STK32B: variants seen among roughly 807,000 people sequenced by gnomAD.
The protein encoded by STK32B is serine/threonine-protein kinase 32B.
In STK32B, 43 loss-of-function variants were observed where a neutral mutation model predicts 52.6. That is an observed-to-expected ratio of 0.82 (90% CI 0.64 to 1.05). The LOEUF (loss-of-function observed/expected upper bound fraction) is 1.05. Ranked by LOEUF, STK32B falls within the 50% of genes least tolerant of loss-of-function variation. The pLI is 0.00. For synonymous variants in STK32B, 238 were observed against 204.3 expected, an observed-to-expected ratio of 1.17 and a Z score of -1.41; for missense variants, 621 against 534.6, an observed-to-expected ratio of 1.16 and a Z score of -1.59.
chr4:5,334,767 G>A (rs1180341047), intron 4 of STK32B, among the ~76,000 whole-genome samples: 1 of 151,704 alleles, frequency 6.6e-6, no homozygotes, highest in Non-Finnish European at 1.5e-5. Context: ...CTGTTTATAT[G>A]CTGGATTACA....
intron 3 of STK32B, among the ~76,000 whole-genome samples, chr4:5,226,174 A>G (rs1376382757): frequency 1.3e-5 from 2 of 152,238 alleles, no homozygotes; most frequent in Non-Finnish European, 2.9e-5. Flanking sequence ...ATCTTAAATG[A>G]CATGCTTTTA....
intron 3 of STK32B, among the ~76,000 whole-genome samples, chr4:5,259,249 G>A (rs1274147586): frequency 6.6e-6 from 1 of 152,150 alleles, no homozygotes; most frequent in Non-Finnish European, 1.5e-5. Flanking sequence ...CATTTAGAGT[G>A]TAAGCTCCAT....
chr4:5,390,262 T>G (rs556049300), intron 4 of STK32B, among the ~76,000 whole-genome samples: 16 of 152,334 alleles, frequency 1.1e-4, no homozygotes, highest in African/African-American at 3.8e-4. Context: ...ACACACTCAG[T>G]AGGGCTCAGC....
chr4:5,064,438 A>T (rs192802063), intron 1 of STK32B, among the ~76,000 whole-genome samples: 1 of 104,404 alleles, frequency 9.6e-6, no homozygotes, highest in Non-Finnish European at 2.0e-5. Context: ...ATATACATAT[A>T]ATATATAAAT....
chr4:5,444,475 A>G (rs71597772), intron 6 of STK32B, among the ~76,000 whole-genome samples: 21,152 of 151,968 alleles, frequency 0.14, 1,645 homozygotes, highest in East Asian at 0.27. Flanking sequence ...CACTGTGCGC[A>G]CACCCACTGA....
chr4:5,196,272 C>T (rs1445542038), intron 3 of STK32B, among the ~76,000 whole-genome samples: 1 of 151,880 alleles, frequency 6.6e-6, no homozygotes, highest in African/African-American at 2.4e-5. Flanking sequence ...GCTGATGCCA[C>T]CCCGCGAGGT....
intron 4 of STK32B, among the ~76,000 whole-genome samples, chr4:5,341,717 AG>A (rs967874020): frequency 1.3e-5 from 2 of 152,200 alleles, no homozygotes; most frequent in African/African-American, 2.4e-5. Flanking sequence ...CTGCACGGGA[AG>A]CATGCTGCTG....
chr4:5,325,729 T>A (rs1489101448), intron 3 of STK32B, among the ~76,000 whole-genome samples: 1 of 152,222 alleles, frequency 6.6e-6, no homozygotes, highest in African/African-American at 2.4e-5. Flanking sequence ...AGCCTAATTT[T>A]CCAGATTTTT....
intron 4 of STK32B, among the ~76,000 whole-genome samples, chr4:5,364,099 A>C (rs1734717462): frequency 1.3e-5 from 2 of 150,164 alleles, no homozygotes; most frequent in South Asian, 4.2e-4. Flanking sequence ...GACCCCCCCC[A>C]CTGTCCACAG....
At chr4:5,369,176 G>A (rs1577404542) in intron 4 of STK32B, among the ~76,000 whole-genome samples, 3 of 151,678 alleles carry the variant, frequency 2.0e-5, no homozygotes, top group Non-Finnish European at 2.9e-5. Flanking sequence ...CTTCCATCTC[G>A]CTGCTTGGAT....
rs1182212725 is a variant in STK32B at position 5,171,365 on chromosome 4, G to C, written c.260+2915G>C. 3.3e-5 allele frequency among the ~76,000 whole-genome samples: 5 copies of C among 151,826 alleles called. No homozygotes were observed. The East Asian group carries it at 7.7e-4, about 24-fold the overall frequency. ...TGTTGCCATTGCTTTTGGTGTTTTA[G>C]ACATGAAGTCCTTGCCCATGCCTAT... On this transcript the variant is annotated intron_variant, in intron 3 of 11. Transcript: ENST00000282908.
chr4:5,047,891 T>C (rs529207944), upstream of STK32B, among the ~76,000 whole-genome samples: 44 of 152,338 alleles, frequency 2.9e-4, no homozygotes, highest in African/African-American at 1.0e-3. Flanking sequence ...GAAGAGATCA[T>C]GCTGGGATTA....
chr4:5,447,389 A>T (rs1715556593), intron 7 of STK32B: 1 of 152,110 alleles, frequency 6.6e-6, no homozygotes, highest in South Asian at 2.1e-4. Flanking sequence ...GCACTTTGGG[A>T]GGCTGAGGTG....
At chr4:5,280,851 A>G (rs148399357) in intron 3 of STK32B, among the ~76,000 whole-genome samples, 5,449 of 152,248 alleles carry the variant, frequency 0.036, 301 homozygotes, top group African/African-American at 0.12. Flanking sequence ...GTGAGCCGAC[A>G]TCGTACCACT....
At chr4:5,410,252 T>G (rs555159011) in intron 5 of STK32B, among the ~76,000 whole-genome samples, 32 of 152,150 alleles carry the variant, frequency 2.1e-4, no homozygotes, top group Non-Finnish European at 4.0e-4. Context: ...TCTCATCTCT[T>G]TTGGGCTTCA....
chr4:5,402,170 CA>C (rs1351860791), intron 5 of STK32B, among the ~76,000 whole-genome samples: 1 of 152,208 alleles, frequency 6.6e-6, no homozygotes, highest in East Asian at 1.9e-4. Context: ...GTCACTTGGC[CA>C]AACCTAGAGT....
chr4:5,256,401 G>A (rs1400858204), intron 3 of STK32B, among the ~76,000 whole-genome samples: 1 of 152,188 alleles, frequency 6.6e-6, no homozygotes, highest in African/African-American at 2.4e-5. Flanking sequence ...TTGGTTGTGG[G>A]GTATGGATCT....
the STK32B span, among the ~76,000 whole-genome samples, chr4:5,037,589 T>C: frequency 6.6e-6 from 1 of 152,098 alleles, no homozygotes; most frequent in Non-Finnish European, 1.5e-5. Flanking sequence ...ATAAAGGAAG[T>C]GGATTTGGAC....
the STK32B span, among the ~76,000 whole-genome samples, chr4:5,030,913 A>C: frequency 2.0e-5 from 3 of 152,236 alleles, no homozygotes; most frequent in African/African-American, 7.2e-5. Context: ...CTATACATAT[A>C]CATGGAGAGA....
Sources: allele counts gnomAD v4.1 joint callset (sites outside exome capture counted in the v4.1 genomes callset), GRCh38; gene constraint gnomAD v4.1.1; transcripts MANE v1.5; gene names NCBI Gene and HGNC (gene_info 2026-07-23, HGNC 2026-07-21).